ADARB1: variants seen among roughly 807,000 people sequenced by gnomAD.
The protein encoded by ADARB1 is double-stranded RNA-specific editase 1.
Under a neutral mutation model 52.4 loss-of-function variants are expected in ADARB1, and 10 were observed. The ratio of observed to expected loss-of-function variants is 0.19; its 90% CI spans 0.12 to 0.32. ADARB1 has a LOEUF of 0.32. Ranked by LOEUF, ADARB1 falls within the 10% of genes least tolerant of loss-of-function variation. ADARB1 has a pLI of 1.00. For synonymous variants in ADARB1, 349 were observed against 371.1 expected, an observed-to-expected ratio of 0.94 and a Z score of 0.68; for missense variants, 643 against 922.3, an observed-to-expected ratio of 0.70 and a Z score of 3.92.
chr21:45,196,557 C>G (rs997672295), intron 8 of ADARB1, among the ~76,000 whole-genome samples: 11 of 152,140 alleles, frequency 7.2e-5, no homozygotes, highest in Non-Finnish European at 1.5e-4. Context: ...AATAAACTGA[C>G]AAACAGGGAG....
At chr21:45,207,448 G>A (rs117821660) in intron 9 of ADARB1, among the ~76,000 whole-genome samples, 3 of 152,180 alleles carry the variant, frequency 2.0e-5, no homozygotes, top group Non-Finnish European at 4.4e-5. Context: ...AATTGAAGCC[G>A]AAGGCAAGTA....
intron 1 of ADARB1, among the ~76,000 whole-genome samples, chr21:45,107,303 A>G (rs942880096): frequency 2.0e-5 from 3 of 152,248 alleles, no homozygotes; most frequent in African/African-American, 7.2e-5. Context: ...GTAATTTTCA[A>G]ATTTAATGTG....
chr21:45,170,154 C>G (rs574219777), intron 2 of ADARB1, among the ~76,000 whole-genome samples: 1 of 152,364 alleles, frequency 6.6e-6, no homozygotes, highest in African/African-American at 2.4e-5. Context: ...TTGGTTTTGT[C>G]TACACTCATC....
chr21:45,141,805 G>A lies in ADARB1; in HGVS notation c.-48+13232G>A, dbSNP rs1569061011. Among the ~76,000 whole-genome samples, 3 of 149,472 alleles carry A rather than the reference G, an allele frequency of 2.0e-5. 1 individual carries two copies. On this transcript the variant is annotated intron_variant, in intron 2 of 10. Transcript: ENST00000348831. ...GTCGCCTTAGCCACGCCTGGGCCAT[G>A]TTAACTACCACAGGATCACCTTAGC...
intron 8 of ADARB1, among the ~76,000 whole-genome samples, chr21:45,198,678 G>A (rs930791675): frequency 6.6e-6 from 1 of 152,184 alleles, no homozygotes; most frequent in African/African-American, 2.4e-5. Flanking sequence ...GGATAGAAAA[G>A]TAGGGAAGAA....
intron 2 of ADARB1, among the ~76,000 whole-genome samples, chr21:45,149,997 C>A (rs1055187635): frequency 3.9e-5 from 6 of 152,212 alleles, no homozygotes; most frequent in African/African-American, 1.4e-4. Flanking sequence ...TAAAACATGT[C>A]ATTGGGCCAG....
In ADARB1 at chr21:45,224,572, G is replaced by A; in HGVS notation, c.*2375G>A. ...TGTTGGGGGGAACTGGGTTCGGGGT[G>A]CCCTGGGCAGGGGGCTACTGGGGGG... On this transcript the variant is annotated 3_prime_UTR_variant, in exon 11 of 11. Transcript: ENST00000348831. The A allele has an allele frequency of 8.5e-5, 76 of 891,002 alleles. No individual in the cohort carries two copies. The highest frequency in any genetic ancestry group is 1.0e-4 in the Non-Finnish European group (76 of 743,854). The allele number at this position is 891,002 out of a possible 1,614,324, so 55.2% of individuals were successfully genotyped here.
intron 3 of ADARB1, among the ~76,000 whole-genome samples, chr21:45,174,529 C>A (rs1308496338): frequency 6.6e-6 from 1 of 152,016 alleles, no homozygotes; most frequent in East Asian, 1.9e-4. Context: ...GTGATGAAAC[C>A]CCGTCTCTAC....
At position 45,142,547 on chromosome 21, in the gene ADARB1, G is replaced by A. The variant is rs1352991032; in HGVS notation, c.-48+13974G>A. Among the ~76,000 whole-genome samples the A allele has an allele frequency of 1.3e-5, 2 of 152,212 alleles. No homozygotes were observed. Among genetic ancestry groups the A allele is most frequent in the Non-Finnish European group, 1.5e-5 (1 of 68,036 alleles). On this transcript the variant is annotated intron_variant, in intron 2 of 10. Transcript: ENST00000348831. The surrounding 1 kb of genome is among the most constrained non-coding windows in gnomAD (Gnocchi z 4.0). ...GTTTTTTCTTTAACTGGGCAGCATT[G>A]TAGCGGGGTGGAGTGTGGGTCCCCA...
intron 2 of ADARB1, among the ~76,000 whole-genome samples, chr21:45,136,173 G>A (rs369936497): frequency 1.1e-4 from 17 of 152,248 alleles, no homozygotes; most frequent in Admixed American, 2.6e-4. Context: ...GTGAGGACTC[G>A]CTCTCTTAGG....
chr21:45,163,607 G>T (rs931500322), intron 2 of ADARB1, among the ~76,000 whole-genome samples: 3 of 151,968 alleles, frequency 2.0e-5, no homozygotes, highest in African/African-American at 7.3e-5. Context: ...CTGACTCTGG[G>T]CCCTCAAGGC....
intron 9 of ADARB1, among the ~76,000 whole-genome samples, chr21:45,210,546 G>A (rs763826212): frequency 2.0e-5 from 3 of 152,086 alleles, no homozygotes; most frequent in Admixed American, 1.3e-4. Context: ...GCCATCTCCC[G>A]GGCATGCATG....
At chr21:45,202,845 C>T (rs2092585730) in intron 8 of ADARB1, among the ~76,000 whole-genome samples, 1 of 151,134 alleles carries the variant, frequency 6.6e-6, no homozygotes, top group Non-Finnish European at 1.5e-5. Context: ...CTGTGCTGAG[C>T]GTCTTCCCCT....
In ADARB1 at chr21:45,225,593, T is replaced by A; in HGVS notation, c.*3396T>A. 1.5e-6 allele frequency: 2 copies of A among 1,323,822 alleles called. No homozygotes were observed. Among genetic ancestry groups the A allele is most frequent in the Non-Finnish European group, 2.0e-6 (2 of 1,024,826 alleles). The allele number at this position is 1,323,822 out of a possible 1,614,324, so 82.0% of individuals were successfully genotyped here. A position where few individuals can be genotyped will look rare whatever the true frequency, so the allele number is the denominator to read the frequency against. On this transcript the variant is annotated 3_prime_UTR_variant, in exon 11 of 11. Transcript: ENST00000348831. ...TCCGTCTTCACATTGTGCACAGATC[T>A]GAGGATGGGATTAGCGAAGCTGTGG...
intron 1 of ADARB1, among the ~76,000 whole-genome samples, chr21:45,114,212 G>A (rs1295345106): frequency 1.3e-5 from 2 of 152,134 alleles, no homozygotes; most frequent in African/African-American, 4.8e-5. Flanking sequence ...GCTTTTAGAT[G>A]GAGTCATAGA....
chr21:45,219,987 G>T, intron 9 of ADARB1, among the ~76,000 whole-genome samples: 1 of 108,522 alleles, frequency 9.2e-6, no homozygotes, highest in Admixed American at 9.4e-5. Context: ...CCTCTTGGTA[G>T]CCTTTTTTTT....
Position 45,172,327 on chromosome 21 carries a change from A to G in ADARB1, c.28+643A>G, listed in dbSNP as rs1425575138. ...AAAACAGGTTTAGATGCTTCCACGG[A>G]AGTTGGGAGAGTTTAGTAGAGAAAT... is the stretch of plus-strand genomic sequence containing the variant. On this transcript the variant is annotated intron_variant, in intron 3 of 10. Coordinates refer to ENST00000348831, the MANE Select transcript of ADARB1 (RefSeq NM_001112.4). The surrounding 1 kb of genome is among the most constrained non-coding windows in gnomAD (Gnocchi z 4.4). 6.6e-6 allele frequency among the ~76,000 whole-genome samples: 1 copy of G among 152,116 alleles called. No individual in the cohort carries two copies. The highest frequency in any genetic ancestry group is 1.5e-5 in the Non-Finnish European group (1 of 68,008).
At chr21:45,167,035 G>A (rs550924097) in intron 2 of ADARB1, among the ~76,000 whole-genome samples, 1 of 152,204 alleles carries the variant, frequency 6.6e-6, no homozygotes, top group South Asian at 2.1e-4. Flanking sequence ...GCTTGCATGT[G>A]CTGTTTTGCT....
intron 2 of ADARB1, among the ~76,000 whole-genome samples, chr21:45,139,933 CTTTTTTTTTTTTTTTTT>C (rs200847132): frequency 0.27 from 23,575 of 86,628 alleles, 2,373 homozygotes; most frequent in East Asian, 0.41. Flanking sequence ...CAATAAAACT[CTTTTTTTTTTTTTTTTT>C]TTTTTTTTTT....
Sources: allele counts gnomAD v4.1 joint callset (sites outside exome capture counted in the v4.1 genomes callset), GRCh38; gene constraint gnomAD v4.1.1; non-coding constraint Gnocchi (gnomAD v3.1); transcripts MANE v1.5; gene names NCBI Gene and HGNC (gene_info 2026-07-23, HGNC 2026-07-21).